The following DCC variants were observed in gnomAD, a reference collection of about 807,000 sequenced individuals.
DCC encodes the protein DCC netrin 1 receptor.
A neutral mutation model predicts 172.5 loss-of-function variants in DCC; 58 were observed. The ratio of observed to expected loss-of-function variants is 0.34; its 90% CI spans 0.27 to 0.42. DCC has a LOEUF of 0.42. Ranked by LOEUF, DCC falls within the 10% of genes least tolerant of loss-of-function variation. DCC has a pLI of 1.00. For synonymous variants in DCC, 709 were observed against 644.5 expected (o/e 1.10, Z -1.52); for missense variants, 1,740 against 1,791.0 (o/e 0.97, Z 0.51).
intron 2 of DCC, among the ~76,000 whole-genome samples, chr18:52,769,579 C>T (rs2037307018): frequency 6.6e-6 from 1 of 152,092 alleles, no homozygotes; most frequent in Non-Finnish European, 1.5e-5. Flanking sequence ...AATTTTAATG[C>T]AATTCAGTCT....
intron 25 of DCC, among the ~76,000 whole-genome samples, chr18:53,474,979 G>T (rs1447277655): frequency 2.0e-5 from 3 of 152,250 alleles, no homozygotes; most frequent in Admixed American, 2.0e-4. Context: ...AGATGGAGAT[G>T]AGGAACTTCT....
At chr18:53,450,782 C>A in intron 23 of DCC, 120 bp downstream of exon 23, 1 of 848,748 alleles carries the variant, frequency 1.2e-6, no homozygotes, top group Non-Finnish European at 1.9e-6. Flanking sequence ...CTAACCCTGG[C>A]AAAACCTTGC....
intron 2 of DCC, among the ~76,000 whole-genome samples, chr18:52,783,960 T>C (rs551735198): frequency 6.6e-6 from 1 of 152,208 alleles, no homozygotes; most frequent in East Asian, 1.9e-4. Context: ...ATTTTGACTC[T>C]TCTAACTTTA....
intron 1 of DCC, among the ~76,000 whole-genome samples, chr18:52,610,461 T>G (rs1169637361): frequency 4.0e-5 from 6 of 149,128 alleles, no homozygotes; most frequent in Non-Finnish European, 5.9e-5. Flanking sequence ...AATACTATTT[T>G]CTGTGGGGGA....
intron 15 of DCC, among the ~76,000 whole-genome samples, chr18:53,372,549 C>T (rs1392307539): frequency 6.6e-6 from 1 of 151,734 alleles, no homozygotes; most frequent in Non-Finnish European, 1.5e-5. Context: ...TACACCAAAC[C>T]CCCGTGAATG....
intron 2 of DCC, among the ~76,000 whole-genome samples, chr18:52,903,321 C>T (rs904725521): frequency 6.6e-6 from 1 of 152,170 alleles, no homozygotes. Context: ...CCTCCCACCT[C>T]AGCCTCCCGA....
intron 15 of DCC, among the ~76,000 whole-genome samples, chr18:53,371,032 C>A (rs2058056042): frequency 6.6e-6 from 1 of 151,768 alleles, no homozygotes; most frequent in African/African-American, 2.4e-5. Context: ...TTATTGTTGG[C>A]AAAGTCTTTT....
chr18:52,770,854 C>T (rs1176166441), intron 2 of DCC, among the ~76,000 whole-genome samples: 1 of 152,194 alleles, frequency 6.6e-6, no homozygotes, highest in Non-Finnish European at 1.5e-5. Context: ...AGTGATCTCA[C>T]ATTCAGAGCA....
intron 25 of DCC, among the ~76,000 whole-genome samples, chr18:53,471,978 G>C (rs4280318): frequency 0.86 from 130,454 of 152,144 alleles, 56,155 homozygotes; most frequent in Non-Finnish European, 0.88. Context: ...ATTTTGAGTC[G>C]CCAATACCCA....
At chr18:52,495,816 C>T (rs1376055787) in intron 1 of DCC, among the ~76,000 whole-genome samples, 1 of 150,344 alleles carries the variant, frequency 6.7e-6, no homozygotes, top group South Asian at 2.1e-4. Context: ...TGTTCTGAGA[C>T]AATATTATTA....
At chr18:53,234,243 T>A (rs2056166542) in intron 12 of DCC, among the ~76,000 whole-genome samples, 1 of 151,326 alleles carries the variant, frequency 6.6e-6, no homozygotes, top group Admixed American at 6.6e-5. Flanking sequence ...AGAGTGAAAC[T>A]CCATCTCAAA....
chr18:53,233,121 G>A (rs1037703625), intron 12 of DCC, among the ~76,000 whole-genome samples: 4 of 152,038 alleles, frequency 2.6e-5, no homozygotes, highest in African/African-American at 9.7e-5. Flanking sequence ...TTAAGGTCAA[G>A]CTAATCAGTG....
At chr18:52,824,091 T>C (rs1182681560) in intron 2 of DCC, among the ~76,000 whole-genome samples, 1 of 152,194 alleles carries the variant, frequency 6.6e-6, no homozygotes, top group Non-Finnish European at 1.5e-5. Context: ...TATCTTTCCA[T>C]TTAAAAAGAC....
At chr18:52,825,864 G>A (rs2038500007) in intron 2 of DCC, among the ~76,000 whole-genome samples, 1 of 152,140 alleles carries the variant, frequency 6.6e-6, no homozygotes, top group Non-Finnish European at 1.5e-5. Context: ...GGTTTCAAAT[G>A]CATGCCCAGG....
chr18:53,355,731 C>A (rs1424491706), intron 15 of DCC, among the ~76,000 whole-genome samples: 2 of 152,164 alleles, frequency 1.3e-5, no homozygotes, highest in Admixed American at 6.6e-5. Context: ...GACAGTTTGA[C>A]TTCCTCTTTT....
At position 53,086,186 on chromosome 18, in the gene DCC, TTTC is replaced by T. The variant is rs1380011804; in HGVS notation, c.1261+20032_1261+20034del. 1.4e-4 allele frequency among the ~76,000 whole-genome samples: 6 copies of T among 43,202 alleles called. 1 individual carries two copies. The highest frequency in any genetic ancestry group is 7.4e-4 in the East Asian group (2 of 2,690). The allele number at this position is 43,202 out of a possible 152,430, so 28.3% of individuals were successfully genotyped here. A position where few individuals can be genotyped will look rare whatever the true frequency, so the allele number is the denominator to read the frequency against. On this transcript the variant is annotated intron_variant, in intron 7 of 28. Coordinates refer to ENST00000442544, the MANE Select transcript of DCC (RefSeq NM_005215.4). ...TCTCTTCCTCTTCTCTTCTTCTTCT[TTTC>T]TTCTTCTTCTTTTCTTCTTTCCTTC...
intron 24 of DCC, among the ~76,000 whole-genome samples, chr18:53,466,056 G>A (rs578091041): frequency 5.3e-5 from 8 of 152,004 alleles, no homozygotes; most frequent in Admixed American, 2.0e-4. Context: ...GAGCCACCAC[G>A]CCCAGCCAAA....
intron 1 of DCC, among the ~76,000 whole-genome samples, chr18:52,528,602 G>T (rs1212975233): frequency 6.6e-6 from 1 of 152,028 alleles, no homozygotes; most frequent in African/African-American, 2.4e-5. Context: ...CTGGTGACCT[G>T]ATTATCACAT....
chr18:52,825,010 C>T (rs2038485618), intron 2 of DCC, among the ~76,000 whole-genome samples: 1 of 150,356 alleles, frequency 6.7e-6, no homozygotes, highest in South Asian at 2.2e-4. Context: ...GGGATATCTC[C>T]CTTCTGTTAT....
Sources: gnomAD v4.1 joint callset for allele counts (sites outside exome capture counted in the v4.1 genomes callset) on GRCh38, gnomAD v4.1.1 for gene constraint, MANE v1.5 for transcripts, NCBI Gene and HGNC (gene_info 2026-07-23, HGNC 2026-07-21) for gene names.